FNBP1L: variants seen among roughly 807,000 people sequenced by gnomAD.
FNBP1L encodes formin binding protein 1 like.
A neutral mutation model predicts 91.2 loss-of-function variants in FNBP1L; 36 were observed. The observed-to-expected ratio is 0.39, with a 90% CI of 0.30 to 0.52. The LOEUF is 0.52. Among genes scored for constraint, FNBP1L ranks in the 20% least tolerant of loss-of-function variants. FNBP1L has a pLI of 0.66. For missense variants in FNBP1L, 571 were observed against 732.1 expected (o/e 0.78, Z 2.54); for synonymous variants, 242 against 237.0 (o/e 1.02, Z -0.19).
intron 11 of FNBP1L, chr1:93,543,702 T>A (rs1672122828): frequency 6.6e-6 from 1 of 152,568 alleles, no homozygotes; most frequent in Non-Finnish European, 1.5e-5. Flanking sequence ...TGTGATATGT[T>A]ATATATAAAA....
At chr1:93,524,202 T>C in intron 4 of FNBP1L, 59 bp from the exon 5 acceptor site, 1 of 1,329,552 alleles carries the variant, frequency 7.5e-7, no homozygotes, top group South Asian at 1.8e-5. Flanking sequence ...TAATTATTTT[T>C]ATTTGTTTTT....
intron 2 of FNBP1L, among the ~76,000 whole-genome samples, chr1:93,501,500 G>C (rs1670438187): frequency 6.6e-6 from 1 of 152,078 alleles, no homozygotes. Context: ...CTCTCAAAAA[G>C]TGATCCAGTC....
intron 5 of FNBP1L, among the ~76,000 whole-genome samples, chr1:93,528,448 AG>A (rs1671561375): frequency 6.6e-6 from 1 of 152,244 alleles, no homozygotes; most frequent in African/African-American, 2.4e-5. Context: ...TTTCCAACTT[AG>A]AGTTCTATAT....
At chr1:93,477,922 A>T (rs573874084) in intron 1 of FNBP1L, among the ~76,000 whole-genome samples, 3 of 152,226 alleles carry the variant, frequency 2.0e-5, no homozygotes, top group African/African-American at 7.2e-5. Flanking sequence ...CTTACTTTCT[A>T]TAATTGTGAG....
chr1:93,512,395 T>A (rs933896300), intron 2 of FNBP1L, among the ~76,000 whole-genome samples: 2 of 151,382 alleles, frequency 1.3e-5, no homozygotes, highest in African/African-American at 4.9e-5. Context: ...TACCCAGGAA[T>A]TGAACTCAGC....
At chr1:93,505,283 C>T (rs1670572850) in intron 2 of FNBP1L, among the ~76,000 whole-genome samples, 2 of 152,000 alleles carry the variant, frequency 1.3e-5, no homozygotes, top group South Asian at 4.2e-4. Context: ...TTAGTAAGGC[C>T]ATTTTTACTT....
Position 93,507,951 on chromosome 1 carries a change from G to GT in FNBP1L, c.140+8384dup, listed in dbSNP as rs79539949. On this transcript the variant is annotated intron_variant, in intron 2 of 16. Coordinates refer to ENST00000271234, the MANE Select transcript of FNBP1L (RefSeq NM_001164473.3). ...GGTGTGAGCCACCACCCCTGGCCTA[G>GT]TTTTTTTTTTTTTTTTAAATTATGA... is the stretch of plus-strand genomic sequence containing the variant. Among the ~76,000 whole-genome samples, 720 of 138,888 alleles carry GT rather than the reference G, an allele frequency of 5.2e-3. 5 individuals are homozygous for GT. The highest frequency in any genetic ancestry group is 0.026 in the Middle Eastern group (7 of 268). The allele number at this position is 138,888 out of a possible 152,430, so 91.1% of individuals were successfully genotyped here.
intron 1 of FNBP1L, among the ~76,000 whole-genome samples, chr1:93,468,201 C>T (rs1040618061): frequency 6.6e-6 from 1 of 152,136 alleles, no homozygotes; most frequent in African/African-American, 2.4e-5. Flanking sequence ...GGAATTATAG[C>T]ATATGTGGTC....
Position 93,508,213 on chromosome 1 carries a change from G to A in FNBP1L, c.140+8630G>A, listed in dbSNP as rs541091896. ...AAAGACAAAAAAATTAGCCAGGCAC[G>A]GTGACATGTGCCTGCAGTCCCAGCT... On this transcript the variant is annotated intron_variant, in intron 2 of 16. Transcript: ENST00000271234. Among the ~76,000 whole-genome samples, 8 of 151,884 alleles carry A rather than the reference G, an allele frequency of 5.3e-5. No homozygotes were observed. In the South Asian group the frequency reaches 6.2e-4, roughly 12 times the overall value.
At chr1:93,503,946 A>G (rs1670522112) in intron 2 of FNBP1L, among the ~76,000 whole-genome samples, 1 of 152,132 alleles carries the variant, frequency 6.6e-6, no homozygotes, top group Non-Finnish European at 1.5e-5. Flanking sequence ...CCCAGAGCAT[A>G]CATAAATTTT....
At chr1:93,541,713 A>G (rs946026074) in intron 11 of FNBP1L, among the ~76,000 whole-genome samples, 6 of 152,180 alleles carry the variant, frequency 3.9e-5, no homozygotes, top group South Asian at 2.1e-4. Context: ...CTACTGGAAA[A>G]TAGACCACTC....
rs573874084 is a variant in FNBP1L at position 93,477,922 on chromosome 1, A to G, written c.25-21546A>G. 3.9e-5 allele frequency among the ~76,000 whole-genome samples: 6 copies of G among 152,344 alleles called. No individual in the cohort carries two copies. The South Asian group carries it at 6.2e-4, about 16-fold the overall frequency. ...TTCTTTAACAGTCCTCTTACTTTCT[A>G]TAATTGTGAGTACCATCGATAGACA... On this transcript the variant is annotated intron_variant, in intron 1 of 16. Coordinates refer to ENST00000271234, the MANE Select transcript of FNBP1L (RefSeq NM_001164473.3).
At chr1:93,506,281 C>T (rs1413142932) in intron 2 of FNBP1L, among the ~76,000 whole-genome samples, 3 of 152,108 alleles carry the variant, frequency 2.0e-5, no homozygotes. Context: ...GGGTTGGTGG[C>T]TTTATTCTTT....
chr1:93,479,746 G>A lies in FNBP1L; in HGVS notation c.25-19722G>A, dbSNP rs561225939. On this transcript the variant is annotated intron_variant, in intron 1 of 16. Coordinates refer to ENST00000271234, the MANE Select transcript of FNBP1L (RefSeq NM_001164473.3). ...ATATGGCTCTATTCTGCCCAACCCCGCAGGCAGTCAGACCTTATGGTTGTC... is the reference window on the plus strand; with the variant it reads ...ATATGGCTCTATTCTGCCCAACCCCACAGGCAGTCAGACCTTATGGTTGTC... Among the ~76,000 whole-genome samples, 24 of 152,188 alleles carry A rather than the reference G, an allele frequency of 1.6e-4. No homozygotes were observed. The South Asian group carries it at 1.9e-3, about 12-fold the overall frequency.
chr1:93,551,674 G>T, intron 16 of FNBP1L: 1 of 985,030 alleles, frequency 1.0e-6, no homozygotes, highest in Non-Finnish European at 1.2e-6. Flanking sequence ...CCTAAAGGAA[G>T]AAAATGAGCA....
At chr1:93,547,129 T>A (rs933825769) in intron 13 of FNBP1L, among the ~76,000 whole-genome samples, 155 bp downstream of exon 13, 1 of 152,206 alleles carries the variant, frequency 6.6e-6, no homozygotes, top group African/African-American at 2.4e-5. Flanking sequence ...TTTAATCTCA[T>A]TAAAGTTTTT....
intron 11 of FNBP1L, among the ~76,000 whole-genome samples, chr1:93,541,590 TGGGGC>T (rs1367574923): frequency 2.8e-5 from 1 of 36,184 alleles, no homozygotes; most frequent in African/African-American, 1.1e-4. Flanking sequence ...GTGTGGGGGG[TGGGGC>T]GGGGCGGGGA....
chr1:93,486,208 C>A (rs1234997733), intron 1 of FNBP1L, among the ~76,000 whole-genome samples: 21 of 152,022 alleles, frequency 1.4e-4, no homozygotes, highest in Non-Finnish European at 1.5e-5. Flanking sequence ...GCCTACTGTT[C>A]ATGTGTAGTT....
At chr1:93,515,083 C>T (rs1337113993) in intron 2 of FNBP1L, among the ~76,000 whole-genome samples, 1 of 151,950 alleles carries the variant, frequency 6.6e-6, no homozygotes, top group East Asian at 1.9e-4. Flanking sequence ...AAAAAAACAA[C>T]CCCATCAAAA....
Sources: gnomAD v4.1 joint callset for allele counts (sites outside exome capture counted in the v4.1 genomes callset) on GRCh38, gnomAD v4.1.1 for gene constraint, MANE v1.5 for transcripts, NCBI Gene and HGNC (gene_info 2026-07-23, HGNC 2026-07-21) for gene names.